NMBR: variants seen among roughly 807,000 people sequenced by gnomAD.
NMBR encodes the protein neuromedin-B receptor.
Under a neutral mutation model 20.5 loss-of-function variants are expected in NMBR, and 16 were observed. That is an observed-to-expected ratio of 0.78 (90% CI 0.53 to 1.19). The LOEUF (loss-of-function observed/expected upper bound fraction) is 1.19. Among genes scored for constraint, NMBR ranks in the 50% most tolerant of loss-of-function variants. The pLI, the probability that NMBR is intolerant of heterozygous loss-of-function variation, is 0.00. For synonymous variants in NMBR, 212 were observed against 196.6 expected, an observed-to-expected ratio of 1.08 and a Z score of -0.65; for missense variants, 582 against 499.1, an observed-to-expected ratio of 1.17 and a Z score of -1.58.
At chr6:142,094,358 T>C (rs1485346134) in intron 1 of NMBR, among the ~76,000 whole-genome samples, 1 of 152,230 alleles carries the variant, frequency 6.6e-6, no homozygotes, top group African/African-American at 2.4e-5. Flanking sequence ...CAGTTTCAGC[T>C]TTCTACATAT....
In NMBR at chr6:142,089,053, G is replaced by C. The variant is rs572067896; in HGVS notation, c.-395C>G. The C allele has an allele frequency of 6.0e-6, 1 of 167,456 alleles. No homozygotes were observed. Among genetic ancestry groups the C allele is most frequent in the East Asian group, 1.6e-4 (1 of 6,282 alleles). The allele number at this position is 167,456 out of a possible 1,614,324, so 10.4% of individuals were successfully genotyped here. ...CCTGCCGGACTCTTCGCCCAGAGAA[G>C]CAGAAGTCATCCTGGCGCTGTCCAG... On this transcript the variant is annotated 5_prime_UTR_variant, in exon 2 of 4. Transcript: ENST00000258042.
chr6:142,097,541 C>T (rs4636041), intron 1 of NMBR, among the ~76,000 whole-genome samples: 14,011 of 152,116 alleles, frequency 0.092, 723 homozygotes, highest in Admixed American at 0.16. Flanking sequence ...GATGGGGCTA[C>T]GTCCTGATAA....
rs182334494 is a variant in NMBR, at chr6:142,096,669, C to G, written c.-663-7348G>C. Among the ~76,000 whole-genome samples the G allele has an allele frequency of 2.4e-3, 370 of 152,122 alleles. 2 individuals carry two copies. Among genetic ancestry groups the G allele is most frequent in the African/African-American group, 7.7e-3 (320 of 41,512 alleles). The stretch of plus-strand genomic sequence containing the variant: ...TTCTGTTGATTTGGGGTGGAGAGTT[C>G]TGTATATGTCTATTAGGTCTGCTTG... On this transcript the variant is annotated intron_variant, in intron 1 of 3. Coordinates refer to ENST00000258042, the MANE Select transcript of NMBR (RefSeq NM_002511.4).
At chr6:142,144,475 T>C (rs1778399941) in intron 1 of NMBR, among the ~76,000 whole-genome samples, 1 of 152,108 alleles carries the variant, frequency 6.6e-6, no homozygotes, top group African/African-American at 2.4e-5. Flanking sequence ...CTTCCTATGG[T>C]TGCCCTCACC....
chr6:142,118,696 G>A (rs149182056), intron 1 of NMBR, among the ~76,000 whole-genome samples: 173 of 152,120 alleles, frequency 1.1e-3, no homozygotes, highest in African/African-American at 4.0e-3. Context: ...ACGATAGAAG[G>A]TTGTGGTTAA....
At chr6:142,076,894 G>A (rs1283107598) in intron 3 of NMBR, among the ~76,000 whole-genome samples, 4 of 152,244 alleles carry the variant, frequency 2.6e-5, no homozygotes, top group South Asian at 2.1e-4. Flanking sequence ...ACTACTGGTC[G>A]TCAACTAGAA....
intron 1 of NMBR, among the ~76,000 whole-genome samples, chr6:142,093,529 C>T (rs1193013006): frequency 6.6e-6 from 1 of 151,852 alleles, no homozygotes; most frequent in Admixed American, 6.6e-5. Context: ...ATATGTGCCA[C>T]ATTTTCTTAA....
chr6:142,137,414 C>G (rs984229461), intron 1 of NMBR, among the ~76,000 whole-genome samples: 24 of 152,174 alleles, frequency 1.6e-4, no homozygotes, highest in Non-Finnish European at 1.3e-4. Flanking sequence ...ATGGGGTTTT[C>G]TAGATATACA....
chr6:142,096,465 C>T (rs1777454532), intron 1 of NMBR, among the ~76,000 whole-genome samples: 1 of 152,002 alleles, frequency 6.6e-6, no homozygotes, highest in Non-Finnish European at 1.5e-5. Flanking sequence ...GTTCAGTTTC[C>T]ATGTAGTTGA....
chr6:142,133,761 A>G (rs182768506), intron 1 of NMBR: 31 of 525,452 alleles, frequency 5.9e-5, no homozygotes, highest in Middle Eastern at 6.3e-4. Context: ...TGACTCTTAC[A>G]TTTTTTAAAT....
At chr6:142,093,347 C>G (rs1182053616) in intron 1 of NMBR, among the ~76,000 whole-genome samples, 1 of 137,534 alleles carries the variant, frequency 7.3e-6, no homozygotes, top group Non-Finnish European at 1.5e-5. Flanking sequence ...GTTCCCCTTC[C>G]TGTGTCCATG....
In NMBR at chr6:142,133,128, A is replaced by T. The variant is rs1421765650; in HGVS notation, c.-664+13916T>A. 25 of 655,712 alleles carry T rather than the reference A, an allele frequency of 3.8e-5. No individual in the cohort carries two copies. In the East Asian group the frequency reaches 4.6e-4, roughly 12 times the overall value. The allele number at this position is 655,712 out of a possible 1,614,324, so 40.6% of individuals were successfully genotyped here. On this transcript the variant is annotated intron_variant, in intron 1 of 3. Transcript: ENST00000258042. ...GGCAATGTGGGTCAAGAATTAACCA[A>T]CAGGAATGCCAGGATAACATCTCCT...
At chr6:142,096,034 C>T (rs1035940834) in intron 1 of NMBR, among the ~76,000 whole-genome samples, 15 of 151,252 alleles carry the variant, frequency 9.9e-5, no homozygotes, top group Admixed American at 4.0e-4. Flanking sequence ...CTATTTGATT[C>T]TTCTCTCTTT....
Position 142,079,082 on chromosome 6 carries a change from AAGAAAGAGAGAAAG to A in NMBR, c.423-193_423-180del, listed in dbSNP as rs1167622760. 5.3e-4 allele frequency among the ~76,000 whole-genome samples: 50 copies of A among 94,092 alleles called. 2 individuals are homozygous for A. The South Asian group carries it at 0.015, about 28-fold the overall frequency. 61.7% of individuals were successfully genotyped at this position (94,092 alleles called of 152,430 possible). A position where few individuals can be genotyped will look rare whatever the true frequency, so the allele number is the denominator to read the frequency against. ...AAAGAGAGAGAGAAAGAGAGAAAGA[AAGAAAGAGAGAAAG>A]AGAGAGAGAGAAAGAAAGAAAGAAA... is the stretch of plus-strand genomic sequence containing the variant. On this transcript the variant is annotated intron_variant, in intron 2 of 3. Coordinates refer to ENST00000258042, the MANE Select transcript of NMBR (RefSeq NM_002511.4).
chr6:142,094,455 A>G (rs1162563099), intron 1 of NMBR, among the ~76,000 whole-genome samples: 2 of 152,064 alleles, frequency 1.3e-5, no homozygotes, highest in African/African-American at 4.8e-5. Context: ...AAGATCAGAT[A>G]GTTATAGACA....
chr6:142,098,327 A>G (rs1314002282), intron 1 of NMBR, among the ~76,000 whole-genome samples: 2 of 152,128 alleles, frequency 1.3e-5, no homozygotes, highest in Non-Finnish European at 2.9e-5. Flanking sequence ...GGAAGTTCTC[A>G]TCAATGCAAT....
Position 142,137,445 on chromosome 6 carries a change from G to T in NMBR, c.-664+9599C>A, listed in dbSNP as rs889850322. On this transcript the variant is annotated intron_variant, in intron 1 of 3. Coordinates refer to ENST00000258042, the MANE Select transcript of NMBR (RefSeq NM_002511.4). ...ATACAGTCATGTAATCTGCAAAAAGGGACAATTTGACTTCCTCTTTTCCTA... is the reference window on the plus strand; with the variant it reads ...ATACAGTCATGTAATCTGCAAAAAGTGACAATTTGACTTCCTCTTTTCCTA... Among the ~76,000 whole-genome samples, 123 of 152,252 alleles carry T rather than the reference G, an allele frequency of 8.1e-4. 2 individuals carry two copies. The highest frequency in any genetic ancestry group is 5.9e-5 in the Non-Finnish European group (4 of 68,018).
chr6:142,088,466 C>T lies in NMBR; in HGVS notation c.193G>A (p.Val65Met). The change falls in exon 2 of 4, where the codon GTG (valine) becomes ATG (methionine). Residue 65 changes from valine (V) to methionine (M), a missense_variant. Transcript: ENST00000258042. Reference protein sequence around the residue: ...TVGLLGNIMLVKIFITNSAMR... With the variant: ...TVGLLGNIMLMKIFITNSAMR... ...GCGCTGTTGGTGATGAAGATCTTCA[C>T]CAGCATGATGTTGCCCAGCAAGCCC... is the stretch of plus-strand genomic sequence containing the variant. 6.2e-7 allele frequency: 1 copy of T among 1,614,044 alleles called. No individual in the cohort carries two copies. The highest frequency in any genetic ancestry group is 8.5e-7 in the Non-Finnish European group (1 of 1,179,986).
At chr6:142,079,122 G>GAA (rs1406665244) in intron 2 of NMBR, among the ~76,000 whole-genome samples, 756 of 65,734 alleles carry the variant, frequency 0.012, 20 homozygotes, top group African/African-American at 0.075. Flanking sequence ...AAGAAAGAAA[G>GAA]AAAGAAGAAA....
Sources: gnomAD v4.1 joint callset for allele counts (sites outside exome capture counted in the v4.1 genomes callset) on GRCh38, gnomAD v4.1.1 for gene constraint, MANE v1.5 for transcripts, NCBI Gene and HGNC (gene_info 2026-07-23, HGNC 2026-07-21) for gene names.